ZNF540: variants seen among roughly 807,000 people sequenced by gnomAD.
The protein encoded by ZNF540 is zinc finger protein 540.
ZNF540 carries 3 observed loss-of-function variants against 11.8 expected under a neutral mutation model. That is an observed-to-expected ratio of 0.25 (90% CI 0.12 to 0.65). The LOEUF (loss-of-function observed/expected upper bound fraction) is 0.65, where lower values mean the gene tolerates loss of function less well. ZNF540 is among the 30% of genes least tolerant of loss of function. The pLI is 0.83. For missense variants in ZNF540, 709 were observed against 793.1 expected, an observed-to-expected ratio of 0.89 and a Z score of 1.27; for synonymous variants, 247 against 259.0, an observed-to-expected ratio of 0.95 and a Z score of 0.45.
Position 37,612,719 on chromosome 19 carries a change from C to T in ZNF540, c.1439C>T (p.Ser480Phe). 1 of 1,613,944 alleles carries T rather than the reference C, an allele frequency of 6.2e-7. No homozygotes were observed. The highest frequency in any genetic ancestry group is 8.5e-7 in the Non-Finnish European group (1 of 1,179,934). ...TGTGGGAAGACCTTTCGAGTTCGTT[C>T]TCAAATTAGTCTACATAAGAAAATT... is the stretch of plus-strand genomic sequence containing the variant. The part of the protein sequence containing the change: ...KECGKTFRVR[S>F]QISLHKKIHT... Residue 480 changes from serine (S) to phenylalanine (F), a missense_variant, in exon 5 of 5, where the codon TCT (serine) becomes TTT (phenylalanine). Coordinates refer to ENST00000316433, the MANE Select transcript of ZNF540 (RefSeq NM_001172225.3).
chr19:37,568,002 A>T (rs566495317), intron 1 of ZNF540, among the ~76,000 whole-genome samples: 9 of 152,200 alleles, frequency 5.9e-5, no homozygotes, highest in Non-Finnish European at 1.2e-4. Flanking sequence ...TTTCCCAAAG[A>T]AGTACCTCAA....
chr19:37,578,049 A>C (rs559795487), intron 1 of ZNF540, among the ~76,000 whole-genome samples: 2 of 152,284 alleles, frequency 1.3e-5, no homozygotes, highest in South Asian at 2.1e-4. Context: ...TAAAGTGTGC[A>C]CAGGACGGAT....
intron 2 of ZNF540, 121 bp downstream of exon 2, chr19:37,598,577 C>T: frequency 1.9e-6 from 2 of 1,041,406 alleles, no homozygotes; most frequent in Non-Finnish European, 1.5e-6. Context: ...TTTCCAAGCT[C>T]CTCCCATGGG....
intron 3 of ZNF540, 148 bp downstream of exon 3, chr19:37,599,900 G>A: frequency 1.2e-6 from 1 of 828,320 alleles, no homozygotes; most frequent in Admixed American, 3.0e-5. Flanking sequence ...GTTTGTGAAT[G>A]GCACTTCCAC....
intron 1 of ZNF540, chr19:37,565,180 C>CTCTCCGGTATGAATTCTTTGATG (rs1449327794): frequency 6.2e-7 from 1 of 1,613,228 alleles, no homozygotes; most frequent in Non-Finnish European, 8.5e-7. Context: ...TGTAGGGCTT[C>CTCTCCGGTATGAATTCTTTGATG]TCTCCGGTAT....
chr19:37,612,194 G>A lies in ZNF540; in HGVS notation c.914G>A (p.Gly305Glu), dbSNP rs2044136175. The A allele has an allele frequency of 6.2e-7, 1 of 1,612,040 alleles. No individual in the cohort carries two copies. The highest frequency in any genetic ancestry group is 2.2e-5 in the East Asian group (1 of 44,854). ...GKKSYECKECGKVFQLIFYFK... is the reference protein window; with the variant it reads ...GKKSYECKECEKVFQLIFYFK... ...AAATCTTATGAATGTAAAGAATGTG[G>A]AAAAGTTTTTCAACTTATTTTCTAC... The change falls in exon 5 of 5, where the codon GGA becomes GAA. Residue 305 changes from glycine to glutamate, a missense_variant. By Grantham distance (98) the Gly-to-Glu change is moderately conservative (BLOSUM62 -2). Transcript: ENST00000316433.
intron 2 of ZNF540, among the ~76,000 whole-genome samples, chr19:37,598,996 T>C (rs868244566): frequency 1.3e-5 from 2 of 152,094 alleles, no homozygotes; most frequent in South Asian, 2.1e-4. Context: ...ATATTCTTAA[T>C]CTCAAGAAAA....
At chr19:37,610,975 C>G (rs1296985745) in intron 4 of ZNF540, 1 of 151,928 alleles carries the variant, frequency 6.6e-6, no homozygotes, top group Non-Finnish European at 1.5e-5. Context: ...AATTTTAGAA[C>G]CACTGACGTA....
chr19:37,588,927 T>TG (rs2043776722), intron 1 of ZNF540, among the ~76,000 whole-genome samples: 1 of 151,430 alleles, frequency 6.6e-6, no homozygotes, highest in African/African-American at 2.4e-5. Context: ...TGGCAGGGAG[T>TG]GGTGGCTCAT....
chr19:37,595,338 A>G (rs1487320156), intron 1 of ZNF540: 1 of 152,092 alleles, frequency 6.6e-6, no homozygotes, highest in Admixed American at 6.6e-5. Context: ...CGCATTTAGT[A>G]TTGTGTGCGG....
chr19:37,571,572 A>G (rs2043052750), intron 1 of ZNF540, among the ~76,000 whole-genome samples: 1 of 152,208 alleles, frequency 6.6e-6, no homozygotes, highest in Non-Finnish European at 1.5e-5. Flanking sequence ...AAGGTTCCCC[A>G]ACTTATGATA....
At chr19:37,579,590 G>A (rs2043374903) in intron 1 of ZNF540, among the ~76,000 whole-genome samples, 1 of 152,134 alleles carries the variant, frequency 6.6e-6, no homozygotes, top group African/African-American at 2.4e-5. Context: ...AATAACTTAA[G>A]ATGGCCTGAT....
At chr19:37,564,499 A>G in intron 1 of ZNF540, 1 of 1,175,180 alleles carries the variant, frequency 8.5e-7, no homozygotes, top group Non-Finnish European at 1.1e-6. Context: ...AGGCCTTCTA[A>G]GAATGAGCAG....
intron 1 of ZNF540, chr19:37,584,232 T>A: frequency 2.6e-6 from 3 of 1,156,172 alleles, no homozygotes; most frequent in Non-Finnish European, 3.7e-6. Flanking sequence ...ACAGTAGTAT[T>A]AACCTGATTC....
chr19:37,575,481 T>A (rs1281403218), intron 1 of ZNF540: 1 of 152,200 alleles, frequency 6.6e-6, no homozygotes, highest in African/African-American at 2.4e-5. Flanking sequence ...GTCAAATCAA[T>A]CCTTGACAAC....
chr19:37,553,616 T>C (rs1005925571), intron 1 of ZNF540, among the ~76,000 whole-genome samples: 3 of 152,220 alleles, frequency 2.0e-5, no homozygotes, highest in Admixed American at 2.0e-4. Flanking sequence ...CTTCTACTAC[T>C]GGCTAAATAT....
rs113099957 is a variant in ZNF540, at chr19:37,586,502, T to C, written c.-72-11874T>C. On this transcript the variant is annotated intron_variant, in intron 1 of 4. Transcript: ENST00000592533. Reference sequence around the variant, plus strand: ...AAACTGTTTGGAGAGGGGAAAAGCATTGAGAAGAATTGGGCTCTTTGCTAC... The same window carrying C: ...AAACTGTTTGGAGAGGGGAAAAGCACTGAGAAGAATTGGGCTCTTTGCTAC... 1,229 of 702,412 alleles carry C rather than the reference T, an allele frequency of 1.7e-3. 10 individuals carry two copies. The African/African-American group carries it at 0.02, about 11-fold the overall frequency. The allele number at this position is 702,412 out of a possible 1,614,324, so 43.5% of individuals were successfully genotyped here. A position where few individuals can be genotyped will look rare whatever the true frequency, so the allele number is the denominator to read the frequency against.
At chr19:37,563,977 A>G (rs952457724) in intron 1 of ZNF540, 4 of 152,310 alleles carry the variant, frequency 2.6e-5, no homozygotes, top group African/African-American at 9.6e-5. Context: ...ATAATCTTTC[A>G]CTTTCTTAAA....
In ZNF540 at chr19:37,583,931, A is replaced by T. The variant is rs758019465; in HGVS notation, c.-72-14445A>T. ...ATTCACAATGAATGAGGCAGAAATT[A>T]TGGGGAACAAATTCTGAATATTACG... On this transcript the variant is annotated intron_variant, in intron 1 of 4. Coordinates refer to the ZNF540 transcript ENST00000592533. 6.5e-6 allele frequency: 10 copies of T among 1,548,880 alleles called. No homozygotes were observed. In the Admixed American group the frequency reaches 1.5e-4, roughly 24 times the overall value.
Sources: gnomAD v4.1 joint callset for allele counts (sites outside exome capture counted in the v4.1 genomes callset) on GRCh38, gnomAD v4.1.1 for gene constraint, MANE v1.5 for transcripts, NCBI Gene and HGNC (gene_info 2026-07-23, HGNC 2026-07-21) for gene names.